The following BICC1 variants were observed in gnomAD, a reference collection of about 807,000 sequenced individuals.
BICC1 encodes the protein protein bicaudal C homolog 1.
Under a neutral mutation model 111.0 loss-of-function variants are expected in BICC1, and 43 were observed. The observed-to-expected ratio is 0.39, with a 90% confidence interval of 0.30 to 0.50. BICC1 has a LOEUF of 0.50. Among genes scored for constraint, BICC1 ranks in the 20% least tolerant of loss-of-function variants. BICC1 has a pLI of 0.88. For synonymous variants in BICC1, 467 were observed against 434.4 expected, an observed-to-expected ratio of 1.07 and a Z score of -0.93; for missense variants, 1,091 against 1,203.2, an observed-to-expected ratio of 0.91 and a Z score of 1.38.
intron 2 of BICC1, among the ~76,000 whole-genome samples, chr10:58,695,616 A>G (rs1840044969): frequency 6.6e-6 from 1 of 152,222 alleles, no homozygotes. Flanking sequence ...GATGCTGATT[A>G]CTTACCTGTG....
At chr10:58,521,782 T>TG in intron 1 of BICC1, among the ~76,000 whole-genome samples, 1 of 30,128 alleles carries the variant, frequency 3.3e-5, no homozygotes, top group Non-Finnish European at 6.2e-5. Context: ...TTTTTTTTTT[T>TG]TTTTTTTTTT....
rs566631209 is a variant in BICC1 at position 58,686,306 on chromosome 10, T to G, written c.238-15768T>G. Among the ~76,000 whole-genome samples the G allele has an allele frequency of 1.5e-4, 23 of 152,342 alleles. No homozygotes were observed. The South Asian group carries it at 4.8e-3, about 32-fold the overall frequency. ...TCTGGCTGCCCTTAACATTTTTTCCTTCATTTCAACTTTGGTGAATCTGAC... is the reference window on the plus strand; with the variant it reads ...TCTGGCTGCCCTTAACATTTTTTCCGTCATTTCAACTTTGGTGAATCTGAC... On this transcript the variant is annotated intron_variant, in intron 2 of 20. Transcript: ENST00000373886.
chr10:58,816,745 CTGTGTG>C (rs56310772), intron 18 of BICC1, among the ~76,000 whole-genome samples: 55,849 of 121,840 alleles, frequency 0.46, 12,289 homozygotes, highest in Admixed American at 0.52. Flanking sequence ...ATCTCCAAGG[CTGTGTG>C]TGTGTGTGTG....
At chr10:58,548,748 CA>C (rs756475752) in intron 1 of BICC1, among the ~76,000 whole-genome samples, 17 of 152,166 alleles carry the variant, frequency 1.1e-4, no homozygotes, top group Non-Finnish European at 2.2e-4. Flanking sequence ...TTCCTTGGCT[CA>C]ACATCATATT....
chr10:58,781,423 G>A (rs1433109298), intron 3 of BICC1, among the ~76,000 whole-genome samples: 1 of 152,120 alleles, frequency 6.6e-6, no homozygotes, highest in Non-Finnish European at 1.5e-5. Context: ...AATTAAACAT[G>A]ACCCCTGTGT....
chr10:58,536,863 G>A (rs1485055334), intron 1 of BICC1, among the ~76,000 whole-genome samples: 1 of 151,678 alleles, frequency 6.6e-6, no homozygotes, highest in African/African-American at 2.4e-5. Context: ...AAGTGAAAAT[G>A]GAGACATTAC....
At chr10:58,639,046 A>G (rs550814315) in intron 2 of BICC1, among the ~76,000 whole-genome samples, 2 of 152,154 alleles carry the variant, frequency 1.3e-5, no homozygotes, top group Non-Finnish European at 2.9e-5. Flanking sequence ...AAGCTAATTA[A>G]CGTATGCATT....
At chr10:58,759,340 A>G (rs566447929) in intron 3 of BICC1, among the ~76,000 whole-genome samples, 1 of 152,158 alleles carries the variant, frequency 6.6e-6, no homozygotes, top group Non-Finnish European at 1.5e-5. Context: ...AATATAAACA[A>G]AAAGATTTAT....
Position 58,799,135 on chromosome 10 carries a change from C to T in BICC1, c.1608C>T (p.Pro536=), listed in dbSNP as rs1005685688. ...TLTNILLSGV[P]TYGHTAPSPP... ...CTAATATTTTGTTGTCTGGAGTGCCCACCTATGGGCACACAGCTCCATCTC... is the reference window on the plus strand; with the variant it reads ...CTAATATTTTGTTGTCTGGAGTGCCTACCTATGGGCACACAGCTCCATCTC... The change falls in exon 12 of 21, where the codon CCC becomes CCT. Residue 536 remains proline, a synonymous_variant. Coordinates refer to ENST00000373886, the MANE Select transcript of BICC1 (RefSeq NM_001080512.3). 2 of 1,613,780 alleles carry T rather than the reference C, an allele frequency of 1.2e-6. No individual in the cohort carries two copies. Among genetic ancestry groups the T allele is most frequent in the Admixed American group, 1.7e-5 (1 of 60,004 alleles).
At chr10:58,786,545 A>G (rs944877532) in intron 4 of BICC1, among the ~76,000 whole-genome samples, 1 of 152,162 alleles carries the variant, frequency 6.6e-6, no homozygotes, top group African/African-American at 2.4e-5. Context: ...GCATATCTTC[A>G]ATCTTGTAAT....
At chr10:58,576,722 G>C (rs908268463) in intron 1 of BICC1, among the ~76,000 whole-genome samples, 2 of 152,092 alleles carry the variant, frequency 1.3e-5, no homozygotes, top group Admixed American at 6.6e-5. Context: ...GATCAATACT[G>C]TTACAAAAAA....
intron 2 of BICC1, among the ~76,000 whole-genome samples, chr10:58,678,685 C>T (rs1427922032): frequency 6.6e-6 from 1 of 152,142 alleles, no homozygotes; most frequent in African/African-American, 2.4e-5. Flanking sequence ...ACCAAGGAGA[C>T]CTAATAGACA....
At chr10:58,765,423 C>T (rs1400823020) in intron 3 of BICC1, among the ~76,000 whole-genome samples, 7 of 152,130 alleles carry the variant, frequency 4.6e-5, no homozygotes, top group Non-Finnish European at 1.0e-4. Flanking sequence ...TTGAATAGGA[C>T]CTCTCTTGCC....
intron 3 of BICC1, among the ~76,000 whole-genome samples, chr10:58,717,689 A>G (rs1331447272): frequency 1.3e-5 from 2 of 152,228 alleles, no homozygotes; most frequent in Admixed American, 6.5e-5. Context: ...TCTTTTGTCT[A>G]CAATGAATTT....
chr10:58,658,196 GC>G (rs1010004815), intron 2 of BICC1, among the ~76,000 whole-genome samples: 2 of 152,084 alleles, frequency 1.3e-5, no homozygotes, highest in African/African-American at 2.4e-5. Context: ...ACAGCTCTCT[GC>G]TTTTTTTTGA....
chr10:58,672,496 A>G (rs900551741), intron 2 of BICC1, among the ~76,000 whole-genome samples: 3 of 152,166 alleles, frequency 2.0e-5, no homozygotes, highest in African/African-American at 7.2e-5. Context: ...CAGCTTAGAA[A>G]AGGTAGCCTT....
intron 1 of BICC1, among the ~76,000 whole-genome samples, chr10:58,598,170 A>G (rs752886004): frequency 1.3e-5 from 2 of 152,074 alleles, no homozygotes. Context: ...AAAACTTCAT[A>G]TGGAACCAAA....
chr10:58,576,991 C>T (rs1301601709), intron 1 of BICC1, among the ~76,000 whole-genome samples: 1 of 152,092 alleles, frequency 6.6e-6, no homozygotes, highest in East Asian at 1.9e-4. Context: ...GTGGGAGCAG[C>T]TGAGAAAATG....
chr10:58,793,426 C>T, intron 8 of BICC1, 58 bp from the exon 9 acceptor site: 1 of 1,454,958 alleles, frequency 6.9e-7, no homozygotes, highest in South Asian at 1.2e-5. Context: ...GTTAAATTAT[C>T]AGGTGTTTAA....
Sources: allele counts gnomAD v4.1 joint callset (sites outside exome capture counted in the v4.1 genomes callset), GRCh38; gene constraint gnomAD v4.1.1; transcripts MANE v1.5; gene names NCBI Gene and HGNC (gene_info 2026-07-23, HGNC 2026-07-21).